The following TTLL8 variants were observed in gnomAD, a reference collection of about 807,000 sequenced individuals.
The protein encoded by TTLL8 is protein monoglycylase TTLL8.
A neutral mutation model predicts 77.8 loss-of-function variants in TTLL8; 65 were observed. The ratio of observed to expected loss-of-function variants is 0.84; its 90% CI spans 0.68 to 1.03. The LOEUF (loss-of-function observed/expected upper bound fraction) is 1.03. Among genes scored for constraint, TTLL8 ranks in the 50% least tolerant of loss-of-function variants. The pLI, the probability that TTLL8 is intolerant of heterozygous loss-of-function variation, is 0.00. For missense variants in TTLL8, 910 were observed against 1,004.5 expected (o/e 0.91, Z 1.27); for synonymous variants, 402 against 422.8 (o/e 0.95, Z 0.60).
At chr22:50,028,249 G>C (rs533521641) in intron 12 of TTLL8, among the ~76,000 whole-genome samples, 1 of 152,344 alleles carries the variant, frequency 6.6e-6, no homozygotes, top group African/African-American at 2.4e-5. Context: ...ATTTGGCACT[G>C]GGCTAAGCCT....
At chr22:50,046,876 C>A (rs1006921921) in intron 4 of TTLL8, among the ~76,000 whole-genome samples, 1 of 152,214 alleles carries the variant, frequency 6.6e-6, no homozygotes, top group African/African-American at 2.4e-5. Context: ...CCCCTCAGCA[C>A]CCAAAGCCCG....
intron 6 of TTLL8, among the ~76,000 whole-genome samples, chr22:50,043,066 G>A (rs576420276): frequency 1.3e-5 from 2 of 152,338 alleles, no homozygotes; most frequent in South Asian, 4.1e-4. Context: ...ATTCATGATC[G>A]TCAAAACCTG....
At chr22:50,040,107 GCCAGC>G (rs2061360850) in intron 8 of TTLL8, among the ~76,000 whole-genome samples, 1 of 145,194 alleles carries the variant, frequency 6.9e-6, no homozygotes, top group Admixed American at 6.9e-5. Flanking sequence ...CCTCACGTGT[GCCAGC>G]GTGGACGGAC....
Position 50,034,377 on chromosome 22 carries a change from G to A in TTLL8, c.1007C>T (p.Ala336Val), listed in dbSNP as rs536172014. The A allele has an allele frequency of 2.0e-5, 27 of 1,366,842 alleles. No individual in the cohort carries two copies. Among genetic ancestry groups the A allele is most frequent in the African/African-American group, 7.4e-5 (5 of 67,862 alleles). The allele number at this position is 1,366,842 out of a possible 1,614,324, so 84.7% of individuals were successfully genotyped here. Residue 336 changes from alanine (A) to valine (V), a missense_variant, in exon 9 of 14, where the codon GCG (alanine) becomes GTG (valine). Transcript: ENST00000266182. The surrounding 1 kb of genome is among the most constrained non-coding windows in gnomAD (Gnocchi z 4.1). Reference sequence around the variant, plus strand: ...CTCACCTCGGCCCCGGGACTTGGCCGCGGGCTTTATAATCCAGATGTTCCG... The same window carrying A: ...CTCACCTCGGCCCCGGGACTTGGCCACGGGCTTTATAATCCAGATGTTCCG...
At chr22:50,058,165 T>A (rs975713744), upstream of TTLL8, among the ~76,000 whole-genome samples, 4 of 151,812 alleles carry the variant, frequency 2.6e-5, no homozygotes, top group Admixed American at 1.3e-4. This position sits in a 1 kb window ranked among gnomAD's most constrained non-coding sequence, Gnocchi z 4.2. Context: ...GGGGACCGGG[T>A]CAGTGGCTCG....
exon 11 of TTLL8, chr22:50,032,082 G>C: frequency 7.3e-7 from 1 of 1,363,980 alleles, no homozygotes; most frequent in Non-Finnish European, 9.8e-7. Context: ...GGTACTTCTG[G>C]ACGGCGTTGT....
chr22:50,045,797 A>T (rs2061406661), intron 5 of TTLL8, 59 bp downstream of exon 7: 1 of 1,284,604 alleles, frequency 7.8e-7, no homozygotes, highest in Non-Finnish European at 1.0e-6. Context: ...CACCAGGGGG[A>T]TCTTTCTAGA....
intron 12 of TTLL8, among the ~76,000 whole-genome samples, chr22:50,023,856 T>C (rs1018322337): frequency 2.6e-5 from 4 of 151,608 alleles, no homozygotes; most frequent in African/African-American, 9.7e-5. Context: ...CCATCTCTAC[T>C]AAAAATACAA....
intron 8 of TTLL8, among the ~76,000 whole-genome samples, chr22:50,037,156 T>A (rs1163641375): frequency 6.6e-6 from 1 of 152,216 alleles, no homozygotes; most frequent in East Asian, 1.9e-4. Context: ...CCTAGCCGTG[T>A]GCTAGAGTTC....
At chr22:50,042,077 C>T (rs1391784134) in intron 6 of TTLL8, among the ~76,000 whole-genome samples, 1 of 152,200 alleles carries the variant, frequency 6.6e-6, no homozygotes, top group Non-Finnish European at 1.5e-5. Context: ...TGAGTGCCAC[C>T]TCCCCACAGG....
chr22:50,046,990 GC>G, intron 4 of TTLL8, 177 bp downstream of exon 6: 1 of 739,856 alleles, frequency 1.4e-6, no homozygotes, highest in Non-Finnish European at 1.7e-6. Flanking sequence ...GCACAGGGGT[GC>G]TGGGGGTGGG....
At chr22:50,056,580 G>C (rs2061471939), upstream of TTLL8, among the ~76,000 whole-genome samples, 2 of 152,138 alleles carry the variant, frequency 1.3e-5, no homozygotes, top group South Asian at 4.1e-4. The surrounding 1 kb of genome is among the most constrained non-coding windows in gnomAD (Gnocchi z 4.1). Flanking sequence ...CGAGTGCAGG[G>C]CCTCCACGAC....
chr22:50,026,919 C>T (rs370962612), intron 12 of TTLL8, among the ~76,000 whole-genome samples: 1 of 152,108 alleles, frequency 6.6e-6, no homozygotes, highest in African/African-American at 2.4e-5. Context: ...AGATCTGGAT[C>T]ATGGTTGGAA....
intron 8 of TTLL8, among the ~76,000 whole-genome samples, chr22:50,037,354 C>T (rs892261590): frequency 2.6e-5 from 4 of 151,798 alleles, no homozygotes; most frequent in Non-Finnish European, 5.9e-5. Flanking sequence ...ACTACAGGCA[C>T]GCACCACCGC....
rs565396624 is a variant in TTLL8, at chr22:50,040,184, GACGGACCTC to G, written c.921+994_921+1002del. 3.4e-3 allele frequency among the ~76,000 whole-genome samples: 514 copies of G among 151,864 alleles called. 5 individuals carry two copies. Among genetic ancestry groups the G allele is most frequent in the African/African-American group, 0.012 (494 of 41,380 alleles). On this transcript the variant is annotated intron_variant, in intron 8 of 13. Transcript: ENST00000266182. Reference sequence around the variant, plus strand: ...CATGGACCTCATGTGTGCCAGCGTGGACGGACCTCACGGACCTCACATGTGTCAGCATGG... The same window carrying G: ...CATGGACCTCATGTGTGCCAGCGTGGACGGACCTCACATGTGTCAGCATGG...
At chr22:50,024,163 G>T (rs1425665832) in intron 12 of TTLL8, among the ~76,000 whole-genome samples, 1 of 152,222 alleles carries the variant, frequency 6.6e-6, no homozygotes, top group Non-Finnish European at 1.5e-5. Context: ...TTGAGGTGGA[G>T]TCTCTCTCTG....
intron 3 of TTLL8, chr22:50,049,037 A>T: frequency 1.9e-6 from 1 of 522,022 alleles, no homozygotes; most frequent in African/African-American, 2.1e-5. Flanking sequence ...TCCACCCACT[A>T]CACAGCGGCT....
intron 12 of TTLL8, among the ~76,000 whole-genome samples, chr22:50,023,574 A>G (rs1158991320): frequency 6.6e-6 from 1 of 152,098 alleles, no homozygotes; most frequent in Non-Finnish European, 1.5e-5. Flanking sequence ...CATCCCAGCT[A>G]CTCAGGAGGC....
chr22:50,027,565 C>T, intron 12 of TTLL8: 3 of 907,000 alleles, frequency 3.3e-6, no homozygotes, highest in Non-Finnish European at 4.0e-6. Context: ...TGTCCGTTCT[C>T]CCCAAGATCT....
Sources: allele counts gnomAD v4.1 joint callset (sites outside exome capture counted in the v4.1 genomes callset), GRCh38; gene constraint gnomAD v4.1.1; non-coding constraint Gnocchi (gnomAD v3.1); transcripts MANE v1.5; gene names NCBI Gene and HGNC (gene_info 2026-07-23, HGNC 2026-07-21).